CABIN1: variants seen among roughly 807,000 people sequenced by gnomAD.
CABIN1 encodes calcineurin-binding protein cabin-1.
A neutral mutation model predicts 227.7 loss-of-function variants in CABIN1; 133 were observed. That is an observed-to-expected ratio of 0.58 (90% CI 0.51 to 0.67). The LOEUF is 0.67. Ranked by LOEUF, CABIN1 falls within the 30% of genes least tolerant of loss-of-function variation. The pLI, the probability that CABIN1 is intolerant of heterozygous loss-of-function variation, is 0.00. For missense variants in CABIN1, 2,408 were observed against 2,852.5 expected (o/e 0.84, Z 3.55); for synonymous variants, 1,086 against 1,155.1 (o/e 0.94, Z 1.21).
intron 16 of CABIN1, 145 bp from the exon 17 acceptor site, chr22:24,070,655 G>T: frequency 8.4e-7 from 1 of 1,185,084 alleles, no homozygotes; most frequent in East Asian, 2.3e-5. Context: ...CCTCCGGGCT[G>T]CATGGGGCCT....
At chr22:24,164,704 G>C in intron 30 of CABIN1, 141 bp downstream of exon 30, 1 of 1,013,682 alleles carries the variant, frequency 9.9e-7, no homozygotes, top group Non-Finnish European at 1.5e-6. Context: ...TTCTCCTTGG[G>C]GGCCTCTCTG....
chr22:24,037,608 C>T (rs2037019001), intron 3 of CABIN1, among the ~76,000 whole-genome samples: 2 of 152,132 alleles, frequency 1.3e-5, no homozygotes, highest in African/African-American at 4.8e-5. Context: ...CAATGGAAAC[C>T]ATTCACACTG....
intron 29 of CABIN1, among the ~76,000 whole-genome samples, chr22:24,153,830 G>C (rs2045630389): frequency 6.6e-6 from 1 of 152,184 alleles, no homozygotes; most frequent in Non-Finnish European, 1.5e-5. Context: ...TTACTCAGCA[G>C]AGGCTTAGCA....
At chr22:24,126,736 C>T (rs993161174) in intron 28 of CABIN1, among the ~76,000 whole-genome samples, 4 of 152,118 alleles carry the variant, frequency 2.6e-5, no homozygotes, top group Non-Finnish European at 2.9e-5. Context: ...TGGTGGCTCC[C>T]GCCTGTAATC....
chr22:24,176,455 G>T (rs1163725914), intron 35 of CABIN1, among the ~76,000 whole-genome samples, 180 bp downstream of exon 35: 1 of 152,196 alleles, frequency 6.6e-6, no homozygotes, highest in African/African-American at 2.4e-5. Context: ...AGAGGCCCAG[G>T]CTGAAGAGTT....
rs78430971 is a variant in CABIN1 at position 24,124,341 on chromosome 22, C to G, written c.4632+4643C>G. On this transcript the variant is annotated intron_variant, in intron 28 of 36. Transcript: ENST00000263119. ...TCAGCATCTCCCATGGCTCCTTACT[C>G]CTCTGCCAGGCCCTCTGAGGGCTCC... Among the ~76,000 whole-genome samples, 764 of 152,350 alleles carry G rather than the reference C, an allele frequency of 5.0e-3. 2 individuals carry two copies. The highest frequency in any genetic ancestry group is 7.8e-3 in the Non-Finnish European group (533 of 68,018).
chr22:24,041,335 G>A (rs1307088539), intron 5 of CABIN1, 62 bp downstream of exon 5: 2 of 1,607,882 alleles, frequency 1.2e-6, no homozygotes, highest in Admixed American at 1.7e-5. Context: ...GAGGGGATGA[G>A]GTTGCGGTCT....
chr22:24,119,706 G>C lies in CABIN1; in HGVS notation c.4632+8G>C, dbSNP rs745751730. ...TACAGCAAGACCCACCGGGTGAGTG[G>C]CTGCCGGGCCAAGGGGGCTTGGATC... On this transcript the variant is annotated splice_region_variant and intron_variant, in intron 28 of 36. Coordinates refer to ENST00000263119, the MANE Select transcript of CABIN1 (RefSeq NM_012295.4). The C allele has an allele frequency of 6.2e-7, 1 of 1,613,236 alleles. No homozygotes were observed. Among genetic ancestry groups the C allele is most frequent in the Non-Finnish European group, 8.5e-7 (1 of 1,179,498 alleles).
At chr22:24,072,570 C>T in intron 18 of CABIN1, 60 bp downstream of exon 18, 1 of 1,600,980 alleles carries the variant, frequency 6.2e-7, no homozygotes, top group Non-Finnish European at 8.6e-7. Flanking sequence ...TGCCCCTGTC[C>T]TCTGCCCTAG....
chr22:24,166,961 C>G lies in CABIN1; in HGVS notation c.5330C>G (p.Pro1777Arg). ...TGCCACTCAGACTTGGAGCGGACACCACCCCTGCTGCCAGGTCGCCCCGCA... is the reference window on the plus strand; with the variant it reads ...TGCCACTCAGACTTGGAGCGGACACGACCCCTGCTGCCAGGTCGCCCCGCA... ...TVCHSDLERT[P>R]PLLPGRPARD... The change falls in exon 32 of 37, where the codon CCA (proline) becomes CGA (arginine). Residue 1777 changes from proline (P) to arginine (R), a missense_variant. Around this residue, in one of 3 missense-constraint regions of CABIN1, gnomAD observed 714 missense variants for 773.8 expected, o/e 0.92. Coordinates refer to ENST00000263119, the MANE Select transcript of CABIN1 (RefSeq NM_012295.4). The G allele has an allele frequency of 6.3e-7, 1 of 1,591,796 alleles. No homozygotes were observed. Among genetic ancestry groups the G allele is most frequent in the Non-Finnish European group, 8.5e-7 (1 of 1,169,920 alleles).
intron 29 of CABIN1, among the ~76,000 whole-genome samples, chr22:24,155,120 G>C (rs1454983764): frequency 2.0e-5 from 3 of 152,188 alleles, no homozygotes; most frequent in East Asian, 1.9e-4. Flanking sequence ...CCTCCCCTCA[G>C]CTGGAGTGGG....
chr22:24,070,677 G>A (rs923004514), intron 16 of CABIN1, 123 bp from the exon 17 acceptor site: 4 of 1,430,584 alleles, frequency 2.8e-6, no homozygotes, highest in African/African-American at 2.8e-5. Context: ...TGTTGTGCTG[G>A]GGCTCGTTCT....
Position 24,140,510 on chromosome 22 carries a change from C to CATA in CABIN1, c.4746+6096_4746+6098dup, listed in dbSNP as rs1037246939. ...AAGCTTCTGGGGCTCCCCCCGCAGG[C>CATA]ATACACACCTCTGGCAGGCAAGCCT... On this transcript the variant is annotated intron_variant, in intron 29 of 36. Coordinates refer to ENST00000263119, the MANE Select transcript of CABIN1 (RefSeq NM_012295.4). Among the ~76,000 whole-genome samples the CATA allele has an allele frequency of 3.8e-4, 58 of 152,326 alleles. 2 individuals are homozygous for CATA. Among genetic ancestry groups the CATA allele is most frequent in the Admixed American group, 3.2e-3 (49 of 15,312 alleles).
intron 26 of CABIN1, among the ~76,000 whole-genome samples, chr22:24,110,608 TCA>T (rs780579163): frequency 1.5e-4 from 23 of 148,574 alleles, no homozygotes; most frequent in Non-Finnish European, 3.0e-4. Context: ...ATGAATTCTC[TCA>T]GTTTTTGTTT....
At chr22:24,062,800 C>T (rs1027641100) in intron 13 of CABIN1, among the ~76,000 whole-genome samples, 159 bp from the exon 14 acceptor site, 6 of 152,202 alleles carry the variant, frequency 3.9e-5, no homozygotes, top group Admixed American at 2.6e-4. Context: ...GGTCCAACCT[C>T]TCTGATGCCT....
chr22:24,148,404 C>T (rs1014072746), intron 29 of CABIN1, among the ~76,000 whole-genome samples: 1 of 152,216 alleles, frequency 6.6e-6, no homozygotes, highest in Non-Finnish European at 1.5e-5. Context: ...TGAGGGCTCC[C>T]ATCCTTTGCT....
intron 28 of CABIN1, among the ~76,000 whole-genome samples, chr22:24,133,682 G>A (rs2044214023): frequency 6.6e-6 from 1 of 152,222 alleles, no homozygotes; most frequent in African/African-American, 2.4e-5. Context: ...GAAGACCAGA[G>A]AGGGAGGAGT....
At chr22:24,093,271 C>T (rs2041668982) in intron 24 of CABIN1, among the ~76,000 whole-genome samples, 1 of 152,220 alleles carries the variant, frequency 6.6e-6, no homozygotes, top group African/African-American at 2.4e-5. Context: ...CTCATTTTGG[C>T]TAGGTATGGT....
In CABIN1 at chr22:24,072,395, G is replaced by C; in HGVS notation, c.2517G>C (p.Glu839Asp). The change falls in exon 18 of 37, where the codon GAG becomes GAC. Residue 839 changes from glutamate (E) to aspartate (D), a missense_variant. Physicochemically the swap from Glu to Asp is conservative, Grantham distance 45. Coordinates refer to ENST00000263119, the MANE Select transcript of CABIN1 (RefSeq NM_012295.4). ...TGGCTGTGCAGGAGGAGGCCAAGGA[G>C]CCCCACGTCTCTTCAGTGCTACCCT... ...CSMAVQEEAK[E>D]PHVSSVLPWI... 1 of 1,614,178 alleles carries C rather than the reference G, an allele frequency of 6.2e-7. No individual in the cohort carries two copies.
Sources: allele counts gnomAD v4.1 joint callset (sites outside exome capture counted in the v4.1 genomes callset), GRCh38; gene constraint gnomAD v4.1.1; regional missense constraint gnomAD v4.1.1; transcripts MANE v1.5; gene names NCBI Gene and HGNC (gene_info 2026-07-23, HGNC 2026-07-21).